The following MALRD1 variants were observed in gnomAD, a reference collection of about 807,000 sequenced individuals.
MALRD1 encodes MAM and LDL-receptor class A domain-containing protein 1.
A neutral mutation model predicts 242.1 loss-of-function variants in MALRD1; 247 were observed. The observed-to-expected ratio is 1.02, with a 90% confidence interval of 0.92 to 1.13. The LOEUF is 1.13. Ranked by LOEUF, MALRD1 falls within the 50% of genes most tolerant of loss-of-function variation. The probability of loss-of-function intolerance (pLI) is 0.00; values close to 1 mark genes in which losing one functional copy is unlikely to be tolerated. For synonymous variants in MALRD1, 995 were observed against 866.6 expected (o/e 1.15, Z -2.60); for missense variants, 2,989 against 2,533.1 (o/e 1.18, Z -3.86).
At chr10:19,427,657 T>C (rs1436726544) in intron 28 of MALRD1, among the ~76,000 whole-genome samples, 2 of 152,180 alleles carry the variant, frequency 1.3e-5, no homozygotes, top group Non-Finnish European at 2.9e-5. Flanking sequence ...TCAATTTCCT[T>C]ATTTGTAAAA....
intron 33 of MALRD1, among the ~76,000 whole-genome samples, chr10:19,594,244 CTTTAA>C: frequency 1.3e-5 from 2 of 152,246 alleles, no homozygotes; most frequent in East Asian, 3.9e-4. Flanking sequence ...AAAATTTCTT[CTTTAA>C]TTTGAAGGTG....
At chr10:19,402,892 T>C (rs1008633434) in intron 28 of MALRD1, among the ~76,000 whole-genome samples, 6 of 152,140 alleles carry the variant, frequency 3.9e-5, no homozygotes, top group African/African-American at 1.4e-4. Context: ...GATTGAATAT[T>C]TTCCCTTCTG....
At chr10:19,467,769 C>T (rs1189911734) in intron 29 of MALRD1, among the ~76,000 whole-genome samples, 1 of 147,170 alleles carries the variant, frequency 6.8e-6, no homozygotes, top group African/African-American at 2.5e-5. Context: ...GCCTAATCTA[C>T]ATACTTTTTA....
intron 28 of MALRD1, among the ~76,000 whole-genome samples, chr10:19,412,849 A>G (rs192518882): frequency 1.1e-4 from 17 of 152,340 alleles, no homozygotes; most frequent in Admixed American, 6.5e-4. Context: ...TGATTTACCT[A>G]TCACTGTTTT....
intron 2 of MALRD1, among the ~76,000 whole-genome samples, chr10:19,076,662 C>T (rs1284282335): frequency 6.6e-6 from 1 of 151,954 alleles, no homozygotes; most frequent in African/African-American, 2.4e-5. Context: ...ATGACAGTAC[C>T]ACACTATCTT....
At chr10:19,610,385 C>G (rs894663531) in intron 35 of MALRD1, among the ~76,000 whole-genome samples, 2 of 151,930 alleles carry the variant, frequency 1.3e-5, no homozygotes, top group Non-Finnish European at 2.9e-5. Flanking sequence ...TCTCCTCTCT[C>G]CAGTCACTGG....
At position 19,155,148 on chromosome 10, in the gene MALRD1, G is replaced by A; in HGVS notation, c.1632G>A (p.Leu544=). The change falls in exon 12 of 40, where the codon TTG becomes TTA. Residue 544 remains leucine, a synonymous_variant. Coordinates refer to ENST00000454679, the MANE Select transcript of MALRD1 (RefSeq NM_001142308.3). ...TTGGAAGTCCTGTTCTTACAAAATT[G>A]CTCACTGCCTCTACCCCATGTCAGG... is the stretch of plus-strand genomic sequence containing the variant. ...AKLGSPVLTK[L]LTASTPCQVQ... 1 of 1,231,402 alleles carries A rather than the reference G, an allele frequency of 8.1e-7. No homozygotes were observed. Among genetic ancestry groups the A allele is most frequent in the Admixed American group, 4.2e-5 (1 of 23,696 alleles). 76.3% of individuals were successfully genotyped at this position (1,231,402 alleles called of 1,614,324 possible). A position where few individuals can be genotyped will look rare whatever the true frequency, so the allele number is the denominator to read the frequency against.
intron 18 of MALRD1, among the ~76,000 whole-genome samples, chr10:19,248,771 A>G (rs531076724): frequency 6.4e-4 from 97 of 151,516 alleles, no homozygotes; most frequent in African/African-American, 2.0e-3. Context: ...ATCTAAACTA[A>G]GAATTTTAGA....
At chr10:19,074,938 T>C (rs1381876625) in intron 2 of MALRD1, among the ~76,000 whole-genome samples, 1 of 150,400 alleles carries the variant, frequency 6.6e-6, no homozygotes, top group Non-Finnish European at 1.5e-5. Context: ...AGATACATCT[T>C]TTGAACCATG....
At position 19,103,963 on chromosome 10, in the gene MALRD1, T is replaced by A; in HGVS notation, c.598-16T>A. 8.1e-7 allele frequency: 1 copy of A among 1,228,422 alleles called. No homozygotes were observed. Among genetic ancestry groups the A allele is most frequent in the Non-Finnish European group, 1.0e-6 (1 of 983,182 alleles). The allele number at this position is 1,228,422 out of a possible 1,614,324, so 76.1% of individuals were successfully genotyped here. A position where few individuals can be genotyped will look rare whatever the true frequency, so the allele number is the denominator to read the frequency against. The stretch of plus-strand genomic sequence containing the variant: ...TTTATGTTTTTGTTTTGTTTTGTTT[T>A]GTTTTTCTGGTGCAGGTTGTTTTTG... On this transcript the variant is annotated splice_polypyrimidine_tract_variant and intron_variant, in intron 4 of 39. Coordinates refer to ENST00000454679, the MANE Select transcript of MALRD1 (RefSeq NM_001142308.3).
At chr10:19,702,140 TA>T (rs1833657329) in intron 38 of MALRD1, among the ~76,000 whole-genome samples, 1 of 152,172 alleles carries the variant, frequency 6.6e-6, no homozygotes, top group Non-Finnish European at 1.5e-5. Flanking sequence ...GTTAGAAATG[TA>T]AATTTATAGT....
chr10:19,506,557 T>C (rs1285907447), intron 31 of MALRD1, among the ~76,000 whole-genome samples: 1 of 152,138 alleles, frequency 6.6e-6, no homozygotes, highest in Non-Finnish European at 1.5e-5. Flanking sequence ...CAACCATTTT[T>C]GTCATGATAC....
chr10:19,197,593 G>T (rs1029809458), intron 14 of MALRD1, among the ~76,000 whole-genome samples: 4 of 152,134 alleles, frequency 2.6e-5, no homozygotes, highest in African/African-American at 9.7e-5. Context: ...TTCCCTCAGT[G>T]GTGGGTGTCC....
At chr10:19,681,659 T>C (rs1431000427) in intron 36 of MALRD1, among the ~76,000 whole-genome samples, 1 of 152,118 alleles carries the variant, frequency 6.6e-6, no homozygotes, top group Non-Finnish European at 1.5e-5. Flanking sequence ...CCGACTTCTG[T>C]CAGTTCATCC....
At chr10:19,257,038 A>G (rs1414307925) in intron 18 of MALRD1, among the ~76,000 whole-genome samples, 1 of 152,004 alleles carries the variant, frequency 6.6e-6, no homozygotes, top group Admixed American at 6.6e-5. Flanking sequence ...ACCATATACT[A>G]CAGTGGTTCG....
chr10:19,162,232 C>T (rs1451574986), intron 12 of MALRD1, among the ~76,000 whole-genome samples: 1 of 152,112 alleles, frequency 6.6e-6, no homozygotes, highest in African/African-American at 2.4e-5. Context: ...TCCCTAAGGA[C>T]CTGTAATGCC....
chr10:19,693,972 G>A (rs560617815), intron 38 of MALRD1, among the ~76,000 whole-genome samples: 11 of 150,096 alleles, frequency 7.3e-5, no homozygotes, highest in African/African-American at 2.4e-4. Flanking sequence ...ACAAGCAATG[G>A]GGAAAGGATT....
intron 30 of MALRD1, among the ~76,000 whole-genome samples, chr10:19,495,084 C>T (rs957311649): frequency 6.6e-6 from 1 of 151,706 alleles, no homozygotes; most frequent in Non-Finnish European, 1.5e-5. Context: ...TCAAGCAATT[C>T]TCCCGCCTCA....
At chr10:19,321,396 TTCCCAAC>T (rs1378278534) in intron 21 of MALRD1, among the ~76,000 whole-genome samples, 2 of 152,152 alleles carry the variant, frequency 1.3e-5, no homozygotes, top group Admixed American at 1.3e-4. Flanking sequence ...GAATCATCTC[TTCCCAAC>T]TCCCATTCCT....
Sources: gnomAD v4.1 joint callset for allele counts (sites outside exome capture counted in the v4.1 genomes callset) on GRCh38, gnomAD v4.1.1 for gene constraint, MANE v1.5 for transcripts, NCBI Gene and HGNC (gene_info 2026-07-23, HGNC 2026-07-21) for gene names.